Variants in F13A1 observed in about 807,000 individuals in gnomAD.
F13A1 encodes coagulation factor XIII A chain.
F13A1 carries 47 observed loss-of-function variants against 80.1 expected under a neutral mutation model. That is an observed-to-expected ratio of 0.59 (90% confidence interval 0.46 to 0.75). The LOEUF (loss-of-function observed/expected upper bound fraction) is 0.75. Among genes scored for constraint, F13A1 ranks in the 30% least tolerant of loss-of-function variants. F13A1 has a pLI of 0.00. For synonymous variants in F13A1, 349 were observed against 344.9 expected, an observed-to-expected ratio of 1.01 and a Z score of -0.13; for missense variants, 817 against 930.4, an observed-to-expected ratio of 0.88 and a Z score of 1.59.
chr6:6,272,182 G>A (rs1255989830), intron 3 of F13A1, among the ~76,000 whole-genome samples: 1 of 152,138 alleles, frequency 6.6e-6, no homozygotes, highest in Non-Finnish European at 1.5e-5. Context: ...AGAATTCATT[G>A]CCTTTTAAAA....
At chr6:6,273,209 C>T (rs772013576) in intron 3 of F13A1, among the ~76,000 whole-genome samples, 4 of 152,156 alleles carry the variant, frequency 2.6e-5, no homozygotes, top group African/African-American at 9.7e-5. Flanking sequence ...ATATCTATTC[C>T]GCTTGTTAAA....
At chr6:6,214,692 A>T in intron 8 of F13A1, among the ~76,000 whole-genome samples, 1 of 95,022 alleles carries the variant, frequency 1.1e-5, no homozygotes, top group African/African-American at 5.3e-5. Context: ...AGCAGAACTG[A>T]AGGAAATAGA....
chr6:6,150,418 G>A (rs76985432), intron 14 of F13A1, among the ~76,000 whole-genome samples: 371 of 152,192 alleles, frequency 2.4e-3, no homozygotes, highest in Non-Finnish European at 4.2e-3. Context: ...TTGTGCTTGC[G>A]TTGTTTCAAA....
rs1464281032 is a variant in F13A1, at chr6:6,305,427, C to T, written c.243G>A (p.Gln81=). The change falls in exon 3 of 15, where the codon CAG becomes CAA. Residue 81 remains glutamine (Q), a synonymous_variant. Transcript: ENST00000264870. ...ENNKLIVRRG[Q]SFYVQIDFSR... Reference sequence around the variant, plus strand: ...TGAAGTCAATCTGCACATAGAAAGACTGCCCTCTGCGGACAATCAGCTTGT... The same window carrying T: ...TGAAGTCAATCTGCACATAGAAAGATTGCCCTCTGCGGACAATCAGCTTGT... The T allele has an allele frequency of 6.2e-7, 1 of 1,614,110 alleles. No individual in the cohort carries two copies. The highest frequency in any genetic ancestry group is 2.2e-5 in the East Asian group (1 of 44,898).
At chr6:6,267,227 G>T (rs1757857573) in intron 3 of F13A1, among the ~76,000 whole-genome samples, 1 of 152,158 alleles carries the variant, frequency 6.6e-6, no homozygotes, top group Admixed American at 6.5e-5. Flanking sequence ...TTTACACAGT[G>T]CAAACCACTG....
intron 13 of F13A1, among the ~76,000 whole-genome samples, chr6:6,156,916 A>G (rs1025018140): frequency 6.6e-6 from 1 of 152,214 alleles, no homozygotes. Context: ...TTACCCTAGA[A>G]AGTTCTATCA....
At chr6:6,195,115 A>C (rs1233653096) in intron 10 of F13A1, among the ~76,000 whole-genome samples, 1 of 152,190 alleles carries the variant, frequency 6.6e-6, no homozygotes, top group Non-Finnish European at 1.5e-5. Context: ...CATCTCTTAC[A>C]TTTAATTTGA....
At chr6:6,251,430 C>T (rs564002346) in intron 4 of F13A1, among the ~76,000 whole-genome samples, 11 of 152,304 alleles carry the variant, frequency 7.2e-5, no homozygotes, top group Non-Finnish European at 1.3e-4. Flanking sequence ...AGCAGTAGGT[C>T]ATCTCCTTTT....
chr6:6,169,188 T>G (rs941556367), intron 12 of F13A1: 8 of 152,298 alleles, frequency 5.3e-5, no homozygotes, highest in Admixed American at 2.0e-4. Flanking sequence ...CAGCCAGGGT[T>G]GAGAAGGGCC....
At chr6:6,286,131 C>T (rs1194844241) in intron 3 of F13A1, among the ~76,000 whole-genome samples, 1 of 152,252 alleles carries the variant, frequency 6.6e-6, no homozygotes, top group East Asian at 1.9e-4. Context: ...GGTGCGGTGG[C>T]TCATGCCTGT....
intron 4 of F13A1, among the ~76,000 whole-genome samples, chr6:6,262,949 C>A (rs1408259997): frequency 6.6e-6 from 1 of 152,100 alleles, no homozygotes; most frequent in African/African-American, 2.4e-5. Context: ...AACCCCAAAG[C>A]CCAGGCTGCA....
At chr6:6,303,834 T>G (rs1287984387) in intron 3 of F13A1, among the ~76,000 whole-genome samples, 1 of 152,196 alleles carries the variant, frequency 6.6e-6, no homozygotes, top group Non-Finnish European at 1.5e-5. Context: ...TTTGGTCATG[T>G]GAAATTTTTT....
intron 4 of F13A1, among the ~76,000 whole-genome samples, chr6:6,253,876 T>C (rs1041005081): frequency 3.3e-5 from 5 of 152,172 alleles, no homozygotes; most frequent in East Asian, 1.9e-4. Context: ...TGGTTATCTA[T>C]GTAAGAAAAA....
At chr6:6,196,015 G>A (rs2151082285) in intron 9 of F13A1, 130 bp from the exon 10 acceptor site, 1 of 882,142 alleles carries the variant, frequency 1.1e-6, no homozygotes, top group East Asian at 2.6e-5. Context: ...ATTTAGCCCA[G>A]ATGCTTTCCA....
intron 6 of F13A1, among the ~76,000 whole-genome samples, chr6:6,235,884 A>G (rs1267580174): frequency 6.6e-6 from 1 of 152,130 alleles, no homozygotes; most frequent in African/African-American, 2.4e-5. Context: ...CAAAAACGGA[A>G]AATGGCCTAA....
chr6:6,312,432 A>G (rs2755420), intron 2 of F13A1, among the ~76,000 whole-genome samples: 81,067 of 114,608 alleles, frequency 0.71, 29,948 homozygotes, highest in East Asian at 0.85. Flanking sequence ...AGTACTTTGG[A>G]AGGCTGAGGG....
chr6:6,148,626 T>C (rs1424475677), intron 14 of F13A1, among the ~76,000 whole-genome samples: 1 of 152,188 alleles, frequency 6.6e-6, no homozygotes, highest in Non-Finnish European at 1.5e-5. Context: ...GTGCTTCTAA[T>C]TATCTGACCA....
rs997683970 is a variant in F13A1 at position 6,144,215 on chromosome 6, G to T, written c.*1404C>A. 3.9e-5 allele frequency: 6 copies of T among 152,182 alleles called. No individual in the cohort carries two copies. The highest frequency in any genetic ancestry group is 1.2e-4 in the African/African-American group (5 of 41,436). The allele number at this position is 152,182 out of a possible 1,614,324, so 9.4% of individuals were successfully genotyped here. A position where few individuals can be genotyped will look rare whatever the true frequency, so the allele number is the denominator to read the frequency against. Reference sequence around the variant, plus strand: ...TTGGATATTGGGAGACTTGGCAAATGCTGTGAGATTACTTAGTAAAGTTAA... The same window carrying T: ...TTGGATATTGGGAGACTTGGCAAATTCTGTGAGATTACTTAGTAAAGTTAA... On this transcript the variant is annotated 3_prime_UTR_variant, in exon 15 of 15. Transcript: ENST00000264870.
At chr6:6,316,229 C>A (rs1417112165) in intron 2 of F13A1, among the ~76,000 whole-genome samples, 3 of 146,594 alleles carry the variant, frequency 2.0e-5, no homozygotes, top group Non-Finnish European at 4.5e-5. Flanking sequence ...TAACACTTAT[C>A]TTGTCTGTGA....
Sources: allele counts gnomAD v4.1 joint callset (sites outside exome capture counted in the v4.1 genomes callset), GRCh38; gene constraint gnomAD v4.1.1; transcripts MANE v1.5; gene names NCBI Gene and HGNC (gene_info 2026-07-23, HGNC 2026-07-21).